Variants in EXOC6B observed in about 807,000 individuals in gnomAD.
EXOC6B encodes the protein exocyst complex component 6B.
EXOC6B carries 54 observed loss-of-function variants against 113.5 expected under a neutral mutation model. The observed-to-expected ratio is 0.48, with a 90% confidence interval of 0.38 to 0.60. The LOEUF is 0.60. Ranked by LOEUF, EXOC6B falls within the 20% of genes least tolerant of loss-of-function variation. The pLI is 0.00. For synonymous variants in EXOC6B, 357 were observed against 339.0 expected, an observed-to-expected ratio of 1.05 and a Z score of -0.58; for missense variants, 797 against 977.5, an observed-to-expected ratio of 0.82 and a Z score of 2.46.
chr2:72,543,120 T>C (rs1277388400), intron 8 of EXOC6B, among the ~76,000 whole-genome samples: 1 of 152,136 alleles, frequency 6.6e-6, no homozygotes, highest in Admixed American at 6.5e-5. Context: ...GGCATCATTG[T>C]GAGAGCACAT....
intron 8 of EXOC6B, among the ~76,000 whole-genome samples, chr2:72,556,732 C>T (rs1224031996): frequency 1.4e-5 from 2 of 141,216 alleles, no homozygotes; most frequent in African/African-American, 4.9e-5. Context: ...TCTGTGACAG[C>T]AGGATAAAGA....
chr2:72,665,003 A>C (rs963792967), intron 6 of EXOC6B, among the ~76,000 whole-genome samples: 2 of 152,190 alleles, frequency 1.3e-5, no homozygotes, highest in Non-Finnish European at 2.9e-5. Context: ...TGAGCAGGGA[A>C]GGAGCTCCCA....
At chr2:72,423,238 G>A (rs6546771) in intron 18 of EXOC6B, among the ~76,000 whole-genome samples, 28,946 of 151,280 alleles carry the variant, frequency 0.19, 4,956 homozygotes, top group African/African-American at 0.47. Context: ...GCGAGACCAC[G>A]AACCCACCAG....
intron 8 of EXOC6B, among the ~76,000 whole-genome samples, chr2:72,539,597 C>A (rs1160992351): frequency 3.3e-5 from 5 of 152,090 alleles, no homozygotes; most frequent in Non-Finnish European, 4.4e-5. Flanking sequence ...TGCTGGCTTT[C>A]CTTGTTACAT....
rs72916247 is a variant in EXOC6B at position 72,675,824 on chromosome 2, G to A, written c.669+42279C>T. On this transcript the variant is annotated intron_variant, in intron 6 of 21. Coordinates refer to ENST00000272427, the MANE Select transcript of EXOC6B (RefSeq NM_015189.3). ...TCTTTTTTAAAAAGTTGGTGGGGGCGGGGGGGCGGACAATGTACAAAACAC... is the reference window on the plus strand; with the variant it reads ...TCTTTTTTAAAAAGTTGGTGGGGGCAGGGGGGCGGACAATGTACAAAACAC... Among the ~76,000 whole-genome samples the A allele has an allele frequency of 6.5e-3, 990 of 151,608 alleles. 10 individuals are homozygous for A. Among genetic ancestry groups the A allele is most frequent in the African/African-American group, 0.023 (938 of 41,318 alleles).
intron 1 of EXOC6B, among the ~76,000 whole-genome samples, chr2:72,762,377 G>A (rs1296024059): frequency 6.6e-6 from 1 of 152,004 alleles, no homozygotes; most frequent in Non-Finnish European, 1.5e-5. Flanking sequence ...GTCAGAAAAG[G>A]CTTCTTGGAG....
At chr2:72,571,472 T>C (rs998296495) in intron 7 of EXOC6B, among the ~76,000 whole-genome samples, 10 of 152,142 alleles carry the variant, frequency 6.6e-5, no homozygotes, top group African/African-American at 1.9e-4. Context: ...AACCTTAATA[T>C]ATGATTAGTT....
At chr2:72,762,904 G>A (rs1682827472) in intron 1 of EXOC6B, among the ~76,000 whole-genome samples, 2 of 151,940 alleles carry the variant, frequency 1.3e-5, no homozygotes, top group South Asian at 2.1e-4. Flanking sequence ...AGATCAATGG[G>A]TGAAATGAAA....
chr2:72,738,221 C>A (rs1681088966), intron 2 of EXOC6B, among the ~76,000 whole-genome samples: 1 of 152,172 alleles, frequency 6.6e-6, no homozygotes, highest in South Asian at 2.1e-4. Flanking sequence ...TGTTCTCATG[C>A]ATGTATACAT....
chr2:72,815,453 G>A (rs1398594643), intron 1 of EXOC6B, among the ~76,000 whole-genome samples: 1 of 149,926 alleles, frequency 6.7e-6, no homozygotes, highest in Non-Finnish European at 1.5e-5. Flanking sequence ...ATTGCCCACT[G>A]CACTCTAGCC....
intron 1 of EXOC6B, among the ~76,000 whole-genome samples, chr2:72,742,470 A>G (rs906237740): frequency 3.2e-4 from 49 of 152,160 alleles, no homozygotes; most frequent in African/African-American, 1.2e-3. Context: ...CAGCCTATAC[A>G]TGTCTTTTTA....
At chr2:72,647,537 A>G (rs1336527762) in intron 6 of EXOC6B, among the ~76,000 whole-genome samples, 1 of 152,246 alleles carries the variant, frequency 6.6e-6, no homozygotes, top group Non-Finnish European at 1.5e-5. Flanking sequence ...CTATACTACA[A>G]GGCTACAGTA....
At chr2:72,397,617 C>CAAAAAAAAA (rs1229846045) in intron 18 of EXOC6B, among the ~76,000 whole-genome samples, 86 of 93,352 alleles carry the variant, frequency 9.2e-4, no homozygotes, top group African/African-American at 3.4e-3. Flanking sequence ...AACCTCATCT[C>CAAAAAAAAA]AAAAAAAAAA....
In EXOC6B at chr2:72,408,730, G is replaced by C. The variant is rs188183299; in HGVS notation, c.1981-28860C>G. On this transcript the variant is annotated intron_variant, in intron 18 of 21. Transcript: ENST00000272427. The stretch of plus-strand genomic sequence containing the variant: ...AAAAATTAAGTTAAGATGGATTAAA[G>C]ACTTAAATGTTAGACCTAAAACCAT... Among the ~76,000 whole-genome samples, 589 of 152,258 alleles carry C rather than the reference G, an allele frequency of 3.9e-3. 3 individuals carry two copies. Among genetic ancestry groups the C allele is most frequent in the African/African-American group, 0.012 (514 of 41,548 alleles).
Position 72,508,184 on chromosome 2 carries a change from A to AAAAAC in EXOC6B, c.1167+4947_1167+4948insGTTTT, listed in dbSNP as rs923877882. 1.1e-3 allele frequency among the ~76,000 whole-genome samples: 95 copies of AAAAAC among 89,020 alleles called. 3 individuals carry two copies. Among genetic ancestry groups the AAAAAC allele is most frequent in the African/African-American group, 5.6e-3 (84 of 14,944 alleles). 58.4% of individuals were successfully genotyped at this position (89,020 alleles called of 152,430 possible). On this transcript the variant is annotated intron_variant, in intron 11 of 21. Transcript: ENST00000272427. ...CCCGCAAAAAAAAAAAAAAAAAAAA[A>AAAAAC]ACACCTAAAAACAGTACTTTGATGG...
rs373047775 is a variant in EXOC6B at position 72,219,175 on chromosome 2, C to T, written c.2197-34988G>A. Among the ~76,000 whole-genome samples the T allele has an allele frequency of 5.9e-5, 9 of 151,978 alleles. No homozygotes were observed. The South Asian group carries it at 8.3e-4, about 14-fold the overall frequency. On this transcript the variant is annotated intron_variant, in intron 20 of 21. Transcript: ENST00000272427. ...GAGAAGAGAAGGCTGAAGGGAACAT[C>T]GATTGCAATCATCAAGTGCCTAGCC...
chr2:72,696,921 A>G (rs1235672864), intron 6 of EXOC6B, among the ~76,000 whole-genome samples: 1 of 152,202 alleles, frequency 6.6e-6, no homozygotes, highest in Admixed American at 6.5e-5. Context: ...GGTCAAATAT[A>G]TTATGTGGTA....
chr2:72,557,609 A>G (rs1297284020), intron 8 of EXOC6B, among the ~76,000 whole-genome samples: 1 of 152,146 alleles, frequency 6.6e-6, no homozygotes, highest in African/African-American at 2.4e-5. Flanking sequence ...AGAACTTATG[A>G]ACACAAAGAA....
At chr2:72,476,875 C>A (rs775733206) in intron 17 of EXOC6B, among the ~76,000 whole-genome samples, 6 of 152,176 alleles carry the variant, frequency 3.9e-5, no homozygotes, top group African/African-American at 7.2e-5. Flanking sequence ...TTAATCTTTG[C>A]ACATGAAGTT....
Sources: allele counts gnomAD v4.1 joint callset (sites outside exome capture counted in the v4.1 genomes callset), GRCh38; gene constraint gnomAD v4.1.1; transcripts MANE v1.5; gene names NCBI Gene and HGNC (gene_info 2026-07-23, HGNC 2026-07-21).